The following ARHGEF3 variants were observed in gnomAD, a reference collection of about 807,000 sequenced individuals.
The protein encoded by ARHGEF3 is Rho guanine nucleotide exchange factor 3, also known as 59.8 kDA protein.
ARHGEF3 carries 28 observed loss-of-function variants against 63.2 expected under a neutral mutation model. The ratio of observed to expected loss-of-function variants is 0.44; its 90% CI spans 0.33 to 0.61. The LOEUF (loss-of-function observed/expected upper bound fraction) is 0.61. Ranked by LOEUF, ARHGEF3 falls within the 20% of genes least tolerant of loss-of-function variation. The pLI, the probability that ARHGEF3 is intolerant of heterozygous loss-of-function variation, is 0.03. For synonymous variants in ARHGEF3, 266 were observed against 254.2 expected, an observed-to-expected ratio of 1.05 and a Z score of -0.44; for missense variants, 533 against 659.3, an observed-to-expected ratio of 0.81 and a Z score of 2.10.
At chr3:56,798,533 CT>C (rs1173492314) in intron 1 of ARHGEF3, among the ~76,000 whole-genome samples, 1 of 78,036 alleles carries the variant, frequency 1.3e-5, no homozygotes, top group Non-Finnish European at 2.8e-5. Flanking sequence ...CTTTTCTTTA[CT>C]TCGTTTTTTT....
chr3:57,019,098 A>AC (rs1703139750), intron 2 of ARHGEF3, among the ~76,000 whole-genome samples: 1 of 152,184 alleles, frequency 6.6e-6, no homozygotes, highest in Non-Finnish European at 1.5e-5. Flanking sequence ...TGGCCCATAA[A>AC]CCAGGACCAT....
At position 56,799,399 on chromosome 3, in the gene ARHGEF3, G is replaced by A. The variant is rs374539132; in HGVS notation, c.96+2304C>T. 7.9e-5 allele frequency among the ~76,000 whole-genome samples: 12 copies of A among 152,260 alleles called. No homozygotes were observed. In the South Asian group the frequency reaches 2.3e-3, roughly 29 times the overall value. On this transcript the variant is annotated intron_variant, in intron 1 of 9. Coordinates refer to ENST00000296315, the MANE Select transcript of ARHGEF3 (RefSeq NM_019555.3). ...AAGGGCACAGGTGCTCTGTTGCAAC[G>A]GCCTTTGAAGGTCAACAAGTCCTGT...
chr3:57,017,032 T>TCTCTCTCTCTCA (rs1221332567), intron 2 of ARHGEF3, among the ~76,000 whole-genome samples: 3 of 104,392 alleles, frequency 2.9e-5, no homozygotes, highest in East Asian at 2.8e-4. Context: ...TCTCTCTCTC[T>TCTCTCTCTCTCA]CACACACACA....
chr3:56,822,894 C>T (rs2038571185), intron 4 of ARHGEF3, among the ~76,000 whole-genome samples: 1 of 151,168 alleles, frequency 6.6e-6, no homozygotes, highest in East Asian at 1.9e-4. Context: ...GAAGGTCTCC[C>T]AATGATGGGC....
At chr3:56,794,405 T>A (rs2037236848) in intron 1 of ARHGEF3, among the ~76,000 whole-genome samples, 1 of 149,990 alleles carries the variant, frequency 6.7e-6, no homozygotes, top group African/African-American at 2.5e-5. Context: ...GGAGAACAGC[T>A]TGAACCCGGG....
chr3:56,977,135 G>T (rs1423264125), intron 2 of ARHGEF3: 2 of 415,592 alleles, frequency 4.8e-6, no homozygotes, highest in Non-Finnish European at 9.6e-6. Context: ...CTACTAAAGG[G>T]TAAGGCCAGA....
chr3:56,848,779 T>C (rs9877223), intron 4 of ARHGEF3, among the ~76,000 whole-genome samples: 193 of 152,306 alleles, frequency 1.3e-3, no homozygotes, highest in African/African-American at 4.5e-3. Flanking sequence ...GCAATTCTCC[T>C]GCCTCAGCTT....
At chr3:56,887,141 A>C (rs144993436) in intron 3 of ARHGEF3, among the ~76,000 whole-genome samples, 107 of 152,292 alleles carry the variant, frequency 7.0e-4, no homozygotes, top group African/African-American at 2.5e-3. Flanking sequence ...GGTGGCAAGC[A>C]CTGGTGGCAA....
intron 4 of ARHGEF3, among the ~76,000 whole-genome samples, chr3:56,843,430 T>C (rs1020698828): frequency 4.6e-5 from 1 of 21,606 alleles, no homozygotes; most frequent in African/African-American, 1.2e-4. Context: ...GGATGACTTT[T>C]GTAATTTTTT....
intron 2 of ARHGEF3, among the ~76,000 whole-genome samples, chr3:56,758,832 C>G (rs1255156262): frequency 1.3e-5 from 2 of 152,174 alleles, no homozygotes; most frequent in East Asian, 3.8e-4. Context: ...GTAACTTGCT[C>G]AACCCAGTTT....
At chr3:56,759,459 G>A (rs1453191803) in intron 2 of ARHGEF3, among the ~76,000 whole-genome samples, 11 of 152,140 alleles carry the variant, frequency 7.2e-5, no homozygotes, top group East Asian at 5.8e-4. Flanking sequence ...GTGAGCCTCC[G>A]CGCCTGGCCG....
chr3:56,994,003 G>A (rs1290361750), intron 2 of ARHGEF3, among the ~76,000 whole-genome samples: 4 of 136,206 alleles, frequency 2.9e-5, no homozygotes, highest in African/African-American at 8.2e-5. Context: ...GGCGGAAGTT[G>A]CAGTGAGCCG....
chr3:56,909,813 T>C (rs75565991), intron 3 of ARHGEF3, among the ~76,000 whole-genome samples: 142 of 152,280 alleles, frequency 9.3e-4, no homozygotes, highest in African/African-American at 3.2e-3. Context: ...AGTAAGTAAA[T>C]GGTGATGATC....
At chr3:56,904,982 C>CTGCCTGGT (rs2041639158) in intron 3 of ARHGEF3, among the ~76,000 whole-genome samples, 2 of 152,148 alleles carry the variant, frequency 1.3e-5, no homozygotes, top group Non-Finnish European at 2.9e-5. Context: ...TTTAATACAC[C>CTGCCTGGT]GAATACTCTG....
intron 3 of ARHGEF3, chr3:56,882,361 A>G (rs2040795625): frequency 6.4e-7 from 1 of 1,551,724 alleles, no homozygotes; most frequent in Non-Finnish European, 8.7e-7. Flanking sequence ...TTCGCTGCAA[A>G]ACAAACGAAA....
At chr3:56,731,004 T>A (rs373730342) in intron 9 of ARHGEF3, among the ~76,000 whole-genome samples, 1 of 152,218 alleles carries the variant, frequency 6.6e-6, no homozygotes, top group Non-Finnish European at 1.5e-5. Context: ...AAGAACCTAC[T>A]TTATATGGTT....
chr3:57,014,492 TG>T, intron 2 of ARHGEF3, among the ~76,000 whole-genome samples: 1 of 152,310 alleles, frequency 6.6e-6, no homozygotes, highest in East Asian at 1.9e-4. Flanking sequence ...ATATTTACTG[TG>T]CATATGCGTA....
intron 4 of ARHGEF3, among the ~76,000 whole-genome samples, chr3:56,833,920 C>CCT (rs2039015171): frequency 6.7e-6 from 1 of 148,782 alleles, no homozygotes; most frequent in African/African-American, 2.5e-5. Context: ...CTTTGTTTTC[C>CCT]CCCCCCAATT....
In ARHGEF3 at chr3:56,852,792, C is replaced by T. The variant is rs552300867; in HGVS notation, c.192+29500G>A. ...ATGCAGCTGATAATCTTTTCAGTTT[C>T]GGGCTGGGCTGGCTGATTCATCAAA... On this transcript the variant is annotated intron_variant, in intron 4 of 12. Coordinates refer to the ARHGEF3 transcript ENST00000338458. Among the ~76,000 whole-genome samples, 5 of 152,274 alleles carry T rather than the reference C, an allele frequency of 3.3e-5. No homozygotes were observed. In the South Asian group the frequency reaches 6.2e-4, roughly 19 times the overall value.
Sources: allele counts gnomAD v4.1 joint callset (sites outside exome capture counted in the v4.1 genomes callset), GRCh38; gene constraint gnomAD v4.1.1; transcripts MANE v1.5; gene names NCBI Gene and HGNC (gene_info 2026-07-23, HGNC 2026-07-21).